The following JAK1 variants were observed in gnomAD, a reference collection of about 807,000 sequenced individuals.
JAK1 encodes Janus kinase 1, also known as tyrosine-protein kinase JAK1.
Under a neutral mutation model 136.6 loss-of-function variants are expected in JAK1, and 16 were observed. The ratio of observed to expected loss-of-function variants is 0.12; its 90% confidence interval spans 0.08 to 0.18. The LOEUF is 0.18. Among genes scored for constraint, JAK1 ranks in the 10% least tolerant of loss-of-function variants. The pLI, the probability that JAK1 is intolerant of heterozygous loss-of-function variation, is 1.00. For missense variants in JAK1, 859 were observed against 1,450.1 expected (o/e 0.59, Z 6.62); for synonymous variants, 492 against 519.5 (o/e 0.95, Z 0.72).
chr1:64,889,075 C>T (rs1644895991), intron 1 of JAK1, among the ~76,000 whole-genome samples: 1 of 152,148 alleles, frequency 6.6e-6, no homozygotes, highest in South Asian at 2.1e-4. Flanking sequence ...ATGGCTTCAT[C>T]CAAATAATAT....
At chr1:65,045,729 A>T (rs534108543) in intron 1 of JAK1, among the ~76,000 whole-genome samples, 2 of 152,196 alleles carry the variant, frequency 1.3e-5, no homozygotes, top group African/African-American at 2.4e-5. Flanking sequence ...CCCTCTTCAC[A>T]TGATAGGAAA....
chr1:64,883,861 A>G (rs310202), intron 2 of JAK1, among the ~76,000 whole-genome samples: 56,550 of 152,046 alleles, frequency 0.37, 13,242 homozygotes, highest in African/African-American at 0.65. Context: ...TATTAGTTAC[A>G]AATTCTGCTG....
chr1:64,851,316 G>A (rs1300127530), intron 11 of JAK1, among the ~76,000 whole-genome samples: 2 of 152,180 alleles, frequency 1.3e-5, no homozygotes, highest in South Asian at 2.1e-4. Context: ...CCACAGCCCG[G>A]TACATAGTAG....
intron 9 of JAK1, 32 bp from the exon 10 acceptor site, chr1:64,857,811 G>A (rs778497113): frequency 6.2e-7 from 1 of 1,612,900 alleles, no homozygotes; most frequent in South Asian, 1.1e-5. Flanking sequence ...GGGAGAAAGA[G>A]CTCACACCAA....
chr1:64,860,489 T>C (rs1318291992), intron 8 of JAK1, among the ~76,000 whole-genome samples: 1 of 151,876 alleles, frequency 6.6e-6, no homozygotes, highest in East Asian at 1.9e-4. Flanking sequence ...AGTTTCACTC[T>C]GTCGCCCAGG....
intron 1 of JAK1, among the ~76,000 whole-genome samples, chr1:64,912,303 C>T (rs980288056): frequency 1.3e-5 from 2 of 152,174 alleles, no homozygotes; most frequent in African/African-American, 2.4e-5. Flanking sequence ...CCCTGACTCA[C>T]TAGCAACCAC....
intron 24 of JAK1, 143 bp from the exon 25 acceptor site, chr1:64,834,800 G>GTT (rs1654367227): frequency 8.4e-6 from 5 of 593,776 alleles, no homozygotes; most frequent in Admixed American, 6.0e-5. Flanking sequence ...TATTTGAATA[G>GTT]TTTAAAACAC....
chr1:64,860,015 T>C, intron 9 of JAK1, 90 bp downstream of exon 9: 1 of 1,125,982 alleles, frequency 8.9e-7, no homozygotes, highest in Non-Finnish European at 1.2e-6. Context: ...CATGGTCAAC[T>C]GGCCTGACCT....
chr1:65,037,827 T>C lies in JAK1; in HGVS notation c.-78+6653A>G, dbSNP rs114068150. On this transcript the variant is annotated intron_variant, in intron 2 of 25. Transcript: ENST00000671954. ...GCTGCAGTGAGCTGTGATGACACCA[T>C]TGTACTCCAGCCTGGGCAACAGAGT... Among the ~76,000 whole-genome samples, 1,164 of 152,154 alleles carry C rather than the reference T, an allele frequency of 7.7e-3. 10 individuals are homozygous for C. Among genetic ancestry groups the C allele is most frequent in the African/African-American group, 0.027 (1,119 of 41,512 alleles).
At chr1:64,845,460 C>A in intron 15 of JAK1, 53 bp downstream of exon 15, 1 of 1,610,330 alleles carries the variant, frequency 6.2e-7, no homozygotes. Flanking sequence ...GCCACCCCTC[C>A]CAGGACACTC....
chr1:64,921,458 T>G (rs1645493149), intron 1 of JAK1, among the ~76,000 whole-genome samples: 1 of 152,124 alleles, frequency 6.6e-6, no homozygotes, highest in Non-Finnish European at 1.5e-5. Flanking sequence ...TACAAAGCAC[T>G]TTCACATCTA....
intron 1 of JAK1, among the ~76,000 whole-genome samples, chr1:64,893,374 C>G (rs1644968088): frequency 6.6e-6 from 1 of 152,070 alleles, no homozygotes; most frequent in South Asian, 2.1e-4. Flanking sequence ...GCCTCTTAAC[C>G]TCTCTGAGCT....
chr1:64,948,856 TGTTAA>T (rs1313505590), intron 1 of JAK1, among the ~76,000 whole-genome samples: 1 of 152,208 alleles, frequency 6.6e-6, no homozygotes, highest in African/African-American at 2.4e-5. Flanking sequence ...CAGCCCAGAA[TGTTAA>T]TGGTACTTGG....
intron 2 of JAK1, among the ~76,000 whole-genome samples, chr1:64,978,364 T>G (rs1646514929): frequency 6.6e-6 from 1 of 152,218 alleles, no homozygotes. Flanking sequence ...GTATAGGATG[T>G]CAATGTAGTA....
intron 1 of JAK1, among the ~76,000 whole-genome samples, chr1:64,887,262 G>A (rs1038689591): frequency 8.5e-5 from 13 of 152,332 alleles, no homozygotes; most frequent in Admixed American, 6.5e-5. Context: ...GGGGAGACAA[G>A]TATGAATTTG....
intron 1 of JAK1, among the ~76,000 whole-genome samples, chr1:64,907,269 C>G (rs1010547855): frequency 2.2e-4 from 33 of 152,090 alleles, no homozygotes; most frequent in South Asian, 2.1e-4. Context: ...CTCCTGGCAT[C>G]CTTTAGGGAG....
At chr1:65,050,513 T>C (rs1001096908) in intron 1 of JAK1, among the ~76,000 whole-genome samples, 11 of 152,170 alleles carry the variant, frequency 7.2e-5, no homozygotes, top group African/African-American at 2.2e-4. Context: ...GCCAGTCAAC[T>C]GGGTACAAGA....
intron 1 of JAK1, among the ~76,000 whole-genome samples, chr1:64,946,736 C>T (rs1645994362): frequency 6.6e-6 from 1 of 152,078 alleles, no homozygotes; most frequent in Admixed American, 6.5e-5. Flanking sequence ...CAACTGAAAG[C>T]AGGGTCTCAA....
At chr1:65,067,544 C>A in intron 1 of JAK1, 1 of 145,478 alleles carries the variant, frequency 6.9e-6, no homozygotes, top group South Asian at 1.8e-4. Context: ...CCGCCTCCCG[C>A]GGGCGCTCGG....
Sources: allele counts gnomAD v4.1 joint callset (sites outside exome capture counted in the v4.1 genomes callset), GRCh38; gene constraint gnomAD v4.1.1; transcripts MANE v1.5; gene names NCBI Gene and HGNC (gene_info 2026-07-23, HGNC 2026-07-21).